Variants in APBA1 observed in about 807,000 individuals in gnomAD.
APBA1 encodes amyloid beta precursor protein binding family A member 1.
A neutral mutation model predicts 86.6 loss-of-function variants in APBA1; 55 were observed. The observed-to-expected ratio is 0.64, with a 90% CI of 0.51 to 0.80. APBA1 has a LOEUF of 0.80. Among genes scored for constraint, APBA1 ranks in the 30% least tolerant of loss-of-function variants. The pLI, the probability that APBA1 is intolerant of heterozygous loss-of-function variation, is 0.00. For synonymous variants in APBA1, 511 were observed against 493.9 expected (o/e 1.03, Z -0.46); for missense variants, 1,090 against 1,183.0 (o/e 0.92, Z 1.15).
At chr9:69,657,932 T>G (rs111261439) in intron 1 of APBA1, among the ~76,000 whole-genome samples, 107 of 152,178 alleles carry the variant, frequency 7.0e-4, no homozygotes, top group Admixed American at 3.2e-3. Context: ...AAACAAAAGA[T>G]TACAACACAT....
intron 1 of APBA1, among the ~76,000 whole-genome samples, chr9:69,659,392 C>T (rs1823706713): frequency 6.6e-6 from 1 of 152,120 alleles, no homozygotes. Flanking sequence ...CTGAATCATC[C>T]ACTTTCATAT....
At chr9:69,661,982 C>A (rs1823760487) in intron 1 of APBA1, among the ~76,000 whole-genome samples, 1 of 151,642 alleles carries the variant, frequency 6.6e-6, no homozygotes, top group African/African-American at 2.4e-5. Flanking sequence ...GCCTCAGGTA[C>A]TCTGTTATAG....
intron 1 of APBA1, among the ~76,000 whole-genome samples, chr9:69,636,918 G>GGAAGGAAGGAAGGAAGGAAGGAAA (rs1823182449): frequency 1.2e-5 from 1 of 84,894 alleles, no homozygotes; most frequent in East Asian, 4.2e-4. Flanking sequence ...AAGGAAGGAA[G>GGAAGGAAGGAAGGAAGGAAGGAAA]GAAGGAAAGA....
intron 1 of APBA1, among the ~76,000 whole-genome samples, chr9:69,573,581 G>T (rs1837149900): frequency 6.6e-6 from 1 of 152,226 alleles, no homozygotes; most frequent in Non-Finnish European, 1.5e-5. Flanking sequence ...TGTAGGGTGT[G>T]ATATCTTTAG....
chr9:69,488,202 T>C (rs183842868), intron 2 of APBA1, among the ~76,000 whole-genome samples: 54 of 152,228 alleles, frequency 3.5e-4, no homozygotes, highest in Admixed American at 3.0e-3. Context: ...TTAAGAAAAC[T>C]GAGTCAGTCC....
chr9:69,523,985 T>G (rs1165571327), intron 1 of APBA1, among the ~76,000 whole-genome samples: 1 of 152,084 alleles, frequency 6.6e-6, no homozygotes, highest in Non-Finnish European at 1.5e-5. Flanking sequence ...CTAAATGACT[T>G]TTGGGTAAAT....
intron 1 of APBA1, among the ~76,000 whole-genome samples, chr9:69,544,824 CCCTTCAGTAAATATAAGTCT>C: frequency 6.6e-6 from 1 of 152,240 alleles, no homozygotes; most frequent in East Asian, 1.9e-4. Flanking sequence ...AAGGAAGGAT[CCCTTCAGTAAATATAAGTCT>C]CCACCCACCC....
rs1322320446 is a variant in APBA1, at chr9:69,541,255, C to CA, written c.-69-23977_-69-23976insT. On this transcript the variant is annotated intron_variant, in intron 1 of 12. Transcript: ENST00000265381. ...CTATTTTTAATTGTTTTAGGGACCC[C>CA]CCCCCCCATTCTGTTTTCTATATCA... Among the ~76,000 whole-genome samples, 3 of 146,836 alleles carry CA rather than the reference C, an allele frequency of 2.0e-5. 1 individual carries two copies. Among genetic ancestry groups the CA allele is most frequent in the Non-Finnish European group, 4.5e-5 (3 of 65,990 alleles).
At chr9:69,514,111 T>C (rs1019874979) in intron 2 of APBA1, among the ~76,000 whole-genome samples, 2 of 152,242 alleles carry the variant, frequency 1.3e-5, no homozygotes, top group African/African-American at 4.8e-5. Context: ...TGTTATCACA[T>C]TTCTTAGGTA....
chr9:69,490,240 C>T (rs373444614), intron 2 of APBA1, among the ~76,000 whole-genome samples: 9 of 151,874 alleles, frequency 5.9e-5, no homozygotes, highest in South Asian at 2.1e-4. Context: ...AACCAAACAC[C>T]GCATATTCTC....
chr9:69,584,876 A>C (rs1821988297), intron 1 of APBA1, among the ~76,000 whole-genome samples: 1 of 152,236 alleles, frequency 6.6e-6, no homozygotes, highest in African/African-American at 2.4e-5. Context: ...TGAATTAGTC[A>C]TAATTTGCCT....
intron 10 of APBA1, among the ~76,000 whole-genome samples, chr9:69,442,474 T>G: frequency 6.6e-6 from 1 of 150,394 alleles, no homozygotes; most frequent in East Asian, 2.0e-4. Context: ...GTGGGGTGGG[T>G]GGGAGGAGAG....
At chr9:69,610,547 T>A (rs1386540494) in intron 1 of APBA1, among the ~76,000 whole-genome samples, 1 of 152,116 alleles carries the variant, frequency 6.6e-6, no homozygotes, top group Non-Finnish European at 1.5e-5. Flanking sequence ...TGATTTTGGT[T>A]TTGTTTTGGT....
chr9:69,587,193 A>G (rs2133961566), intron 1 of APBA1, among the ~76,000 whole-genome samples: 1 of 152,278 alleles, frequency 6.6e-6, no homozygotes, highest in Middle Eastern at 3.4e-3. Flanking sequence ...CCATCCTCCA[A>G]ATTCAGTGAT....
intron 1 of APBA1, among the ~76,000 whole-genome samples, chr9:69,589,390 A>G (rs529644927): frequency 6.6e-6 from 1 of 152,232 alleles, no homozygotes; most frequent in Non-Finnish European, 1.5e-5. Context: ...CAGAGAAGGC[A>G]TCCACTCTAA....
chr9:69,654,838 C>T (rs896862306), intron 1 of APBA1, among the ~76,000 whole-genome samples: 8 of 152,134 alleles, frequency 5.3e-5, no homozygotes, highest in African/African-American at 1.9e-4. Context: ...TCCAAAAACA[C>T]ATTAAAAAGT....
intron 1 of APBA1, among the ~76,000 whole-genome samples, chr9:69,528,062 G>A (rs1022639273): frequency 6.6e-6 from 1 of 152,240 alleles, no homozygotes; most frequent in African/African-American, 2.4e-5. Context: ...AATTCCAAAA[G>A]ATGGCTTTAA....
intron 11 of APBA1, among the ~76,000 whole-genome samples, chr9:69,433,623 T>A (rs77120847): frequency 0.027 from 4,101 of 152,144 alleles, 166 homozygotes; most frequent in African/African-American, 0.093. Flanking sequence ...TACAAACCAA[T>A]GAAAAGATGA....
At chr9:69,622,306 G>C (rs573932878) in intron 1 of APBA1, among the ~76,000 whole-genome samples, 3 of 152,208 alleles carry the variant, frequency 2.0e-5, no homozygotes, top group African/African-American at 7.2e-5. Context: ...ATCATCTCTA[G>C]AAAGTGAAAC....
Sources: gnomAD v4.1 joint callset for allele counts (sites outside exome capture counted in the v4.1 genomes callset) on GRCh38, gnomAD v4.1.1 for gene constraint, MANE v1.5 for transcripts, NCBI Gene and HGNC (gene_info 2026-07-23, HGNC 2026-07-21) for gene names.